NRG2: variants seen among roughly 807,000 people sequenced by gnomAD.
The protein encoded by NRG2 is neuregulin 2, also known as pro-neuregulin-2, membrane-bound isoform.
Under a neutral mutation model 73.9 loss-of-function variants are expected in NRG2, and 27 were observed. The ratio of observed to expected loss-of-function variants is 0.37; its 90% CI spans 0.27 to 0.50. NRG2 has a LOEUF of 0.50. Ranked by LOEUF, NRG2 falls within the 20% of genes least tolerant of loss-of-function variation. The pLI, the probability that NRG2 is intolerant of heterozygous loss-of-function variation, is 0.96. For synonymous variants in NRG2, 532 were observed against 541.0 expected (o/e 0.98, Z 0.23); for missense variants, 1,126 against 1,210.1 (o/e 0.93, Z 1.03).
chr5:140,025,359 C>T (rs959737976), intron 1 of NRG2, among the ~76,000 whole-genome samples: 6 of 152,178 alleles, frequency 3.9e-5, no homozygotes, highest in Non-Finnish European at 8.8e-5. Context: ...TCTGAACCAG[C>T]TTTCCAGGCT....
chr5:139,854,125 C>T (rs1267312960), intron 6 of NRG2, among the ~76,000 whole-genome samples: 2 of 152,186 alleles, frequency 1.3e-5, no homozygotes, highest in Non-Finnish European at 2.9e-5. Context: ...CCTTAGTGTC[C>T]TGTTTCTCTC....
At chr5:140,024,757 T>A (rs896762797) in intron 1 of NRG2, among the ~76,000 whole-genome samples, 2 of 152,144 alleles carry the variant, frequency 1.3e-5, no homozygotes, top group African/African-American at 4.8e-5. Flanking sequence ...TGGAAGCGGC[T>A]CGGGTTTGAG....
Position 140,042,955 on chromosome 5 carries a change from T to TGCTGCTGCTGCTGCTGCTCCTCTC in NRG2, c.91_114dup (p.Glu31_Ser38dup), listed in dbSNP as rs769057468. 3.9e-6 allele frequency: 6 copies of TGCTGCTGCTGCTGCTGCTCCTCTC among 1,544,914 alleles called. No homozygotes were observed. In the Admixed American group the frequency reaches 5.9e-5, roughly 15 times the overall value. On this transcript the variant is annotated inframe_insertion, in exon 1 of 10. Transcript: ENST00000361474. ...CTGCTGCTGCCGCTCTCGCTGCTGC[T>TGCTGCTGCTGCTGCTGCTCCTCTC]GCTGCTGCTGCTGCTGCTCCTCTCG...
At chr5:139,897,491 C>T (rs956916221) in intron 1 of NRG2, among the ~76,000 whole-genome samples, 7 of 152,174 alleles carry the variant, frequency 4.6e-5, no homozygotes, top group African/African-American at 1.4e-4. Flanking sequence ...ACGCTCTTCT[C>T]GGGGCTTCTC....
chr5:139,871,714 C>CACT lies in NRG2; in HGVS notation c.1112+4_1112+6dup, dbSNP rs746065296. 11 of 1,613,780 alleles carry CACT rather than the reference C, an allele frequency of 6.8e-6. No homozygotes were observed. The East Asian group carries it at 2.2e-4, about 33-fold the overall frequency. On this transcript the variant is annotated splice_region_variant and intron_variant, in intron 4 of 9. Transcript: ENST00000361474. ...TGCTCCCATGCCCACCCCTACTGGT[C>CACT]ACTTACTTGCAGGAGAGCTGGTTGA...
intron 1 of NRG2, among the ~76,000 whole-genome samples, chr5:139,909,356 C>T (rs758365667): frequency 6.6e-6 from 1 of 152,138 alleles, no homozygotes; most frequent in African/African-American, 2.4e-5. Context: ...TTTGGGACTC[C>T]GAGTCTTACC....
intron 1 of NRG2, among the ~76,000 whole-genome samples, chr5:139,953,712 A>G (rs557484854): frequency 3.3e-5 from 5 of 152,358 alleles, no homozygotes; most frequent in South Asian, 2.1e-4. Flanking sequence ...AGGAAAGGAC[A>G]TATTCTGTTC....
In NRG2 at chr5:139,894,456, GA is replaced by G. The variant is rs55943011; in HGVS notation, c.701-6946del. 0.23 allele frequency among the ~76,000 whole-genome samples: 32,909 copies of G among 140,182 alleles called. 4,296 individuals carry two copies. Among genetic ancestry groups the G allele is most frequent in the African/African-American group, 0.38 (14,839 of 38,914 alleles). 92.0% of individuals were successfully genotyped at this position (140,182 alleles called of 152,430 possible). A position where few individuals can be genotyped will look rare whatever the true frequency, so the allele number is the denominator to read the frequency against. Reference sequence around the variant, plus strand: ...ACAGACTCCAAGTTCAAATGAGAAAGAAAAAAAAAAAACCCACTAAGCTAAA... The same window carrying G: ...ACAGACTCCAAGTTCAAATGAGAAAGAAAAAAAAAAACCCACTAAGCTAAA... On this transcript the variant is annotated intron_variant, in intron 1 of 9. Transcript: ENST00000361474. The surrounding 1 kb of genome is among the most constrained non-coding windows in gnomAD (Gnocchi z 5.0).
At chr5:139,890,478 T>TTCTTTC (rs1561659200) in intron 1 of NRG2, among the ~76,000 whole-genome samples, 43 of 147,534 alleles carry the variant, frequency 2.9e-4, no homozygotes, top group African/African-American at 1.0e-3. Context: ...TCTTTCTTTT[T>TTCTTTC]TTTTTTTTTT....
At chr5:139,992,130 T>C (rs750456408) in intron 1 of NRG2, among the ~76,000 whole-genome samples, 13 of 152,230 alleles carry the variant, frequency 8.5e-5, no homozygotes, top group Non-Finnish European at 1.9e-4. Context: ...AAGTGTTATC[T>C]CCCTTAATTT....
intron 5 of NRG2, among the ~76,000 whole-genome samples, chr5:139,858,910 C>T (rs539539718): frequency 6.6e-6 from 1 of 152,188 alleles, no homozygotes; most frequent in Non-Finnish European, 1.5e-5. Context: ...CTATCTTCTA[C>T]TGAGAACAGC....
At chr5:139,872,638 C>T (rs865946704) in intron 3 of NRG2, among the ~76,000 whole-genome samples, 30 of 151,990 alleles carry the variant, frequency 2.0e-4, no homozygotes, top group African/African-American at 7.0e-4. Flanking sequence ...GAGACAGGGC[C>T]AGGGAAAGGG....
At chr5:139,859,118 AG>A (rs1761981142) in intron 5 of NRG2, among the ~76,000 whole-genome samples, 2 of 152,256 alleles carry the variant, frequency 1.3e-5, no homozygotes, top group East Asian at 3.9e-4. Context: ...AAAGCCAGAG[AG>A]CCAGAAACAC....
intron 5 of NRG2, among the ~76,000 whole-genome samples, chr5:139,863,819 A>G (rs1445043095): frequency 2.0e-5 from 3 of 151,808 alleles, no homozygotes; most frequent in Admixed American, 2.0e-4. Context: ...GGCCTCCCAC[A>G]CTCTATTAAG....
chr5:139,979,432 C>T lies in NRG2; in HGVS notation c.700+62938G>A, dbSNP rs117981751. 3.9e-4 allele frequency among the ~76,000 whole-genome samples: 60 copies of T among 152,276 alleles called. 2 individuals are homozygous for T. The East Asian group carries it at 0.011, about 27-fold the overall frequency. On this transcript the variant is annotated intron_variant, in intron 1 of 9. Transcript: ENST00000361474. ...GTTGCTATGAGGCCAAAATGAGAGA[C>T]GTGGTCGGCAGCCTCTAGGTCAGCC...
intron 1 of NRG2, among the ~76,000 whole-genome samples, chr5:139,906,179 T>G (rs1765211608): frequency 6.6e-6 from 1 of 152,154 alleles, no homozygotes; most frequent in Non-Finnish European, 1.5e-5. Context: ...AGCTACTTTT[T>G]GTATTTTTAG....
At position 139,991,001 on chromosome 5, in the gene NRG2, C is replaced by T. The variant is rs566346596; in HGVS notation, c.700+51369G>A. Among the ~76,000 whole-genome samples, 138 of 152,224 alleles carry T rather than the reference C, an allele frequency of 9.1e-4. 1 individual carries two copies. In the South Asian group the frequency reaches 9.1e-3, roughly 10 times the overall value. The stretch of plus-strand genomic sequence containing the variant: ...TGGTATATAATAATTCTCAGCAGGG[C>T]GCGGTGGCTCATGCCTGTAATCCCA... On this transcript the variant is annotated intron_variant, in intron 1 of 9. Coordinates refer to ENST00000361474, the MANE Select transcript of NRG2 (RefSeq NM_004883.3).
intron 1 of NRG2, among the ~76,000 whole-genome samples, chr5:139,990,814 A>G (rs1009769984): frequency 1.3e-5 from 2 of 152,064 alleles, no homozygotes; most frequent in Non-Finnish European, 2.9e-5. Context: ...AATGCTTGTT[A>G]TTTGCCCATT....
At chr5:140,017,429 A>G (rs1759879416) in intron 1 of NRG2, among the ~76,000 whole-genome samples, 1 of 152,178 alleles carries the variant, frequency 6.6e-6, no homozygotes. Flanking sequence ...TGGAGACCAT[A>G]TTTTAAAATT....
Sources: allele counts gnomAD v4.1 joint callset (sites outside exome capture counted in the v4.1 genomes callset), GRCh38; gene constraint gnomAD v4.1.1; non-coding constraint Gnocchi (gnomAD v3.1); transcripts MANE v1.5; gene names NCBI Gene and HGNC (gene_info 2026-07-23, HGNC 2026-07-21).